Variants in PDE9A observed in about 807,000 individuals in gnomAD.
PDE9A encodes high affinity cGMP-specific 3',5'-cyclic phosphodiesterase 9A.
A neutral mutation model predicts 87.4 loss-of-function variants in PDE9A; 60 were observed. The ratio of observed to expected loss-of-function variants is 0.69; its 90% CI spans 0.56 to 0.85. The LOEUF (loss-of-function observed/expected upper bound fraction) is 0.85, where lower values mean the gene tolerates loss of function less well. Among genes scored for constraint, PDE9A ranks in the 40% least tolerant of loss-of-function variants. The pLI is 0.00. For synonymous variants in PDE9A, 272 were observed against 279.4 expected (o/e 0.97, Z 0.27); for missense variants, 665 against 779.0 (o/e 0.85, Z 1.74).
At position 42,726,592 on chromosome 21, in the gene PDE9A, C is replaced by CTATATATATATA. The variant is rs2051062252; in HGVS notation, c.263-5178_263-5177insTATATATATATA. On this transcript the variant is annotated intron_variant, in intron 4 of 19. Coordinates refer to ENST00000291539, the MANE Select transcript of PDE9A (RefSeq NM_002606.3). ...TATTACTGAATGCCACCACGCCTGG[C>CTATATATATATA]CATATATATATATATATATATATAT... Among the ~76,000 whole-genome samples, 43 of 74,222 alleles carry CTATATATATATA rather than the reference C, an allele frequency of 5.8e-4. 3 individuals carry two copies. The highest frequency in any genetic ancestry group is 3.0e-3 in the African/African-American group (42 of 13,936). The allele number at this position is 74,222 out of a possible 152,430, so 48.7% of individuals were successfully genotyped here.
chr21:42,701,989 G>T (rs2048422428), intron 4 of PDE9A, among the ~76,000 whole-genome samples: 1 of 152,018 alleles, frequency 6.6e-6, no homozygotes, highest in African/African-American at 2.4e-5. Flanking sequence ...GGTTTAACCT[G>T]CTTGGTGTTC....
In PDE9A at chr21:42,760,902, C is replaced by G; in HGVS notation, c.1080C>G (p.Asn360Lys). Residue 360 changes from asparagine to lysine, a missense_variant, in exon 13 of 20, where the codon AAC becomes AAG. Transcript: ENST00000291539. This position sits in a 1 kb window ranked among gnomAD's most constrained non-coding sequence, Gnocchi z 5.2. ...ICHDLDHPGY[N>K]NTYQINARTE... is the part of the protein sequence containing the mutation. ...ACGATCTGGACCATCCCGGCTACAA[C>G]AACACGTATGTACAGGATTTTCTCT... 6.2e-7 allele frequency: 1 copy of G among 1,601,714 alleles called. No individual in the cohort carries two copies.
chr21:42,700,035 T>C (rs1279118462), intron 4 of PDE9A, among the ~76,000 whole-genome samples: 1 of 152,108 alleles, frequency 6.6e-6, no homozygotes, highest in African/African-American at 2.4e-5. Context: ...CCCCCTCCAG[T>C]GTGTCTCAGT....
chr21:42,688,031 G>C, intron 3 of PDE9A, 37 bp downstream of exon 3: 1 of 1,524,802 alleles, frequency 6.6e-7, no homozygotes, highest in Non-Finnish European at 9.1e-7. Context: ...GGGTGTGCCT[G>C]GCACTTCTCT....
chr21:42,756,586 C>G (rs879506210), intron 10 of PDE9A, among the ~76,000 whole-genome samples: 1 of 128,800 alleles, frequency 7.8e-6, no homozygotes, highest in Non-Finnish European at 1.7e-5. Flanking sequence ...GCGTGGCCTG[C>G]CTCTATCCTC....
chr21:42,768,060 A>G (rs1330647192), intron 15 of PDE9A, 128 bp from the exon 16 acceptor site: 3 of 654,368 alleles, frequency 4.6e-6, no homozygotes, highest in African/African-American at 1.8e-5. Flanking sequence ...AAGGCAGCCA[A>G]GCTCAGTTGC....
chr21:42,724,714 T>C (rs374871560), intron 4 of PDE9A: 282 of 470,042 alleles, frequency 6.0e-4, no homozygotes, highest in African/African-American at 5.1e-3. Flanking sequence ...TTCCTGAGAA[T>C]AGCTGACATG....
chr21:42,681,540 GCA>G (rs556217508), intron 1 of PDE9A, among the ~76,000 whole-genome samples: 5 of 152,166 alleles, frequency 3.3e-5, no homozygotes, highest in Non-Finnish European at 5.9e-5. Flanking sequence ...TCTAATGTAG[GCA>G]GCTTGAGGGC....
At chr21:42,727,401 A>G (rs56760862) in intron 4 of PDE9A, among the ~76,000 whole-genome samples, 16,825 of 151,282 alleles carry the variant, frequency 0.11, 1,165 homozygotes, top group East Asian at 0.33. Context: ...GTGGCTCACT[A>G]CAGCCTCAAC....
intron 10 of PDE9A, among the ~76,000 whole-genome samples, chr21:42,754,786 C>T (rs776486613): frequency 5.3e-5 from 8 of 152,090 alleles, no homozygotes; most frequent in South Asian, 2.1e-4. Flanking sequence ...TTTTGCCTGC[C>T]GCCATTTAAG....
intron 17 of PDE9A, among the ~76,000 whole-genome samples, chr21:42,769,595 G>T (rs1421851884): frequency 7.6e-6 from 1 of 131,870 alleles, no homozygotes; most frequent in African/African-American, 2.9e-5. Context: ...GGTACACACA[G>T]GCACACAAAT....
intron 1 of PDE9A, among the ~76,000 whole-genome samples, chr21:42,656,149 C>T (rs573320836): frequency 3.3e-5 from 5 of 152,320 alleles, no homozygotes; most frequent in South Asian, 4.1e-4. Context: ...CCCTGCCATC[C>T]GCCCCATCTC....
At chr21:42,708,275 A>C (rs2049005058) in intron 4 of PDE9A, among the ~76,000 whole-genome samples, 1 of 152,220 alleles carries the variant, frequency 6.6e-6, no homozygotes, top group African/African-American at 2.4e-5. Context: ...CAAAGACAGC[A>C]GCAGCCCTTA....
rs767544108 is a variant in PDE9A, at chr21:42,775,315, C to T, written c.*22C>T. 6.2e-7 allele frequency: 1 copy of T among 1,608,020 alleles called. No individual in the cohort carries two copies. The highest frequency in any genetic ancestry group is 1.1e-5 in the South Asian group (1 of 89,828). ...CTGAGGAAAGCGGGGGGCGTGGCTG[C>T]AGTTCTGGACGGGCTGGCCGAGCTG... On this transcript the variant is annotated 3_prime_UTR_variant, in exon 20 of 20. Coordinates refer to ENST00000291539, the MANE Select transcript of PDE9A (RefSeq NM_002606.3).
chr21:42,765,217 G>A (rs1043956194), intron 14 of PDE9A, among the ~76,000 whole-genome samples, 164 bp from the exon 15 acceptor site: 2 of 152,174 alleles, frequency 1.3e-5, no homozygotes, highest in African/African-American at 4.8e-5. Flanking sequence ...TTTTTGGGTG[G>A]GCAGATGGAT....
chr21:42,688,205 GC>G (rs2146199717), intron 3 of PDE9A, among the ~76,000 whole-genome samples: 1 of 152,308 alleles, frequency 6.6e-6, no homozygotes, highest in Non-Finnish European at 1.5e-5. Flanking sequence ...AACAATTGCA[GC>G]CGTGGCTCTG....
intron 1 of PDE9A, among the ~76,000 whole-genome samples, chr21:42,663,323 A>G (rs2057733729): frequency 6.6e-6 from 1 of 151,592 alleles, no homozygotes; most frequent in African/African-American, 2.4e-5. Context: ...CGCACACATC[A>G]CACACATGCA....
intron 9 of PDE9A, 112 bp from the exon 10 acceptor site, chr21:42,753,878 A>T: frequency 1.6e-5 from 9 of 549,778 alleles, no homozygotes; most frequent in South Asian, 2.4e-5. Context: ...AAAAAAAAAA[A>T]GAAAGAAAGA....
At chr21:42,751,016 G>A (rs1016034060) in intron 8 of PDE9A, 100 bp from the exon 9 acceptor site, 45 of 807,406 alleles carry the variant, frequency 5.6e-5, no homozygotes, top group African/African-American at 4.1e-4. Flanking sequence ...AAGACCACAC[G>A]GGGCTTGGGG....
Sources: allele counts gnomAD v4.1 joint callset (sites outside exome capture counted in the v4.1 genomes callset), GRCh38; gene constraint gnomAD v4.1.1; non-coding constraint Gnocchi (gnomAD v3.1); transcripts MANE v1.5; gene names NCBI Gene and HGNC (gene_info 2026-07-23, HGNC 2026-07-21).